The following MTHFD1 variants were observed in gnomAD, a reference collection of about 807,000 sequenced individuals.
MTHFD1 encodes C-1-tetrahydrofolate synthase, cytoplasmic.
MTHFD1 carries 44 observed loss-of-function variants against 110.3 expected under a neutral mutation model. That is an observed-to-expected ratio of 0.40 (90% CI 0.31 to 0.51). The LOEUF (loss-of-function observed/expected upper bound fraction) is 0.51, where lower values mean the gene tolerates loss of function less well. MTHFD1 is among the 20% of genes least tolerant of loss of function. MTHFD1 has a pLI of 0.60. For missense variants in MTHFD1, 909 were observed against 1,173.1 expected, an observed-to-expected ratio of 0.77 and a Z score of 3.29; for synonymous variants, 402 against 428.8, an observed-to-expected ratio of 0.94 and a Z score of 0.77.
intron 4 of MTHFD1, 111 bp downstream of exon 4, chr14:64,412,636 T>TA (rs1377894758): frequency 2.4e-6 from 1 of 425,264 alleles, no homozygotes; most frequent in African/African-American, 2.2e-5. Context: ...CTCCAGGTAT[T>TA]TTTTTTTTTT....
At chr14:64,407,464 CAA>C (rs773866589) in intron 2 of MTHFD1, among the ~76,000 whole-genome samples, 5 of 117,052 alleles carry the variant, frequency 4.3e-5, no homozygotes, top group Non-Finnish European at 5.5e-5. Context: ...GACTTTGTCT[CAA>C]AAAAAAAAAA....
chr14:64,436,867 A>G (rs1436473505), intron 16 of MTHFD1, among the ~76,000 whole-genome samples: 3 of 152,190 alleles, frequency 2.0e-5, no homozygotes, highest in African/African-American at 7.2e-5. Flanking sequence ...CATGTTTTCT[A>G]AGCAACTAGA....
intron 18 of MTHFD1, chr14:64,440,634 G>A (rs1041968065): frequency 3.2e-5 from 10 of 317,210 alleles, no homozygotes; most frequent in Middle Eastern, 1.1e-3. Context: ...AGAGTGACCT[G>A]ATGTTAAAAG....
chr14:64,397,765 G>T (rs2077869331), intron 1 of MTHFD1, among the ~76,000 whole-genome samples: 3 of 152,098 alleles, frequency 2.0e-5, no homozygotes, highest in Admixed American at 2.0e-4. Flanking sequence ...ATTTCATGCT[G>T]CCTCCTTTGC....
intron 21 of MTHFD1, among the ~76,000 whole-genome samples, chr14:64,444,126 G>A (rs367736370): frequency 1.4e-4 from 22 of 152,148 alleles, no homozygotes; most frequent in African/African-American, 4.6e-4. Context: ...GGGGCGGGGC[G>A]GGGAGGCACC....
chr14:64,416,389 T>G (rs900501078), intron 6 of MTHFD1, among the ~76,000 whole-genome samples: 5 of 151,948 alleles, frequency 3.3e-5, no homozygotes, highest in Non-Finnish European at 7.4e-5. Context: ...TAATAAAAAT[T>G]TGGATAGTTT....
intron 23 of MTHFD1, among the ~76,000 whole-genome samples, chr14:64,448,777 C>T (rs1413399691): frequency 4.0e-5 from 6 of 150,744 alleles, no homozygotes; most frequent in Admixed American, 6.6e-5. Flanking sequence ...ATGGCCTCAC[C>T]GTAGTAGAAT....
chr14:64,445,001 G>C (rs1482502709), intron 22 of MTHFD1: 5 of 498,292 alleles, frequency 1.0e-5, no homozygotes, highest in Non-Finnish European at 1.8e-5. Flanking sequence ...TTGACCCCGG[G>C]GACATTTGGC....
intron 1 of MTHFD1, among the ~76,000 whole-genome samples, chr14:64,395,679 G>A (rs2077842519): frequency 6.6e-6 from 1 of 152,152 alleles, no homozygotes. Context: ...CATGCCTGGA[G>A]TCTTTTGGGT....
chr14:64,403,850 T>G (rs1596533754), intron 2 of MTHFD1, among the ~76,000 whole-genome samples: 1 of 152,132 alleles, frequency 6.6e-6, no homozygotes, highest in African/African-American at 2.4e-5. Flanking sequence ...CTCGGCCAAG[T>G]TGAAGTTTAA....
Position 64,440,243 on chromosome 14 carries a change from G to A in MTHFD1, c.1792G>A (p.Glu598Lys), listed in dbSNP as rs765666274. ...GGTGGTGGCATCCAGTAAGAAAGGA[G>A]AGCCCGTCAGTGCCGAAGATCTGGT... ...KMVVASSKKG[E>K]PVSAEDLGVS... The change falls in exon 18 of 28, where the codon GAG (glutamate) becomes AAG (lysine). Residue 598 changes from glutamate to lysine, a missense_variant. Physicochemically the swap from Glu to Lys is moderately conservative, Grantham distance 56. Around this residue, in one of 3 missense-constraint regions of MTHFD1, gnomAD observed 482 missense variants for 646.0 expected, o/e 0.75. Coordinates refer to ENST00000652337, the MANE Select transcript of MTHFD1 (RefSeq NM_005956.4). 9.3e-6 allele frequency: 15 copies of A among 1,614,070 alleles called. No homozygotes were observed. The South Asian group carries it at 1.6e-4, about 18-fold the overall frequency.
intron 1 of MTHFD1, among the ~76,000 whole-genome samples, chr14:64,397,174 TATATATATATATATATA>T (rs1566553167): frequency 9.1e-4 from 19 of 20,786 alleles, no homozygotes; most frequent in African/African-American, 2.2e-3. Flanking sequence ...TATATATATA[TATATATATATATATATA>T]AAAAACAGTA....
At chr14:64,399,315 T>A (rs2077879288) in intron 1 of MTHFD1, among the ~76,000 whole-genome samples, 1 of 152,194 alleles carries the variant, frequency 6.6e-6, no homozygotes, top group South Asian at 2.1e-4. Context: ...AACTAATACA[T>A]TTTCAATTAT....
intron 2 of MTHFD1, among the ~76,000 whole-genome samples, chr14:64,402,678 C>T (rs1262293728): frequency 6.6e-6 from 1 of 151,702 alleles, no homozygotes. Flanking sequence ...CAGGAGTGGT[C>T]GTATAGAGGT....
intron 16 of MTHFD1, among the ~76,000 whole-genome samples, chr14:64,436,125 C>T (rs144094397): frequency 3.3e-5 from 5 of 151,566 alleles, no homozygotes; most frequent in Admixed American, 2.0e-4. Flanking sequence ...GATGGAGTCT[C>T]GCTCTGTCGC....
At chr14:64,415,839 T>C (rs1252277107) in intron 6 of MTHFD1, 100 bp downstream of exon 6, 2 of 1,159,204 alleles carry the variant, frequency 1.7e-6, no homozygotes, top group Non-Finnish European at 2.5e-6. Context: ...CATAAATAAA[T>C]GGACTTGATT....
At position 64,413,639 on chromosome 14, in the gene MTHFD1, T is replaced by A. The variant is rs547316084; in HGVS notation, c.240+1114T>A. Reference sequence around the variant, plus strand: ...AAATGAAATAAAATTAAAAATTCACTTCCTTGGTTGTACTAGCCACTTTGC... The same window carrying A: ...AAATGAAATAAAATTAAAAATTCACATCCTTGGTTGTACTAGCCACTTTGC... On this transcript the variant is annotated intron_variant, in intron 4 of 27. Transcript: ENST00000652337. Among the ~76,000 whole-genome samples, 44 of 152,342 alleles carry A rather than the reference T, an allele frequency of 2.9e-4. 2 individuals are homozygous for A. In the South Asian group the frequency reaches 7.9e-3, roughly 27 times the overall value.
In MTHFD1 at chr14:64,431,837, T is replaced by G. The variant is rs1259776104; in HGVS notation, c.1470T>G (p.Ser490=). ...VPSVNGVRRF[S]DIQIRRLKRL... Reference sequence around the variant, plus strand: ...CAGTAAATGGAGTGAGAAGGTTCTCTGACATCCAAATCCGAAGGTTAAAGG... The same window carrying G: ...CAGTAAATGGAGTGAGAAGGTTCTCGGACATCCAAATCCGAAGGTTAAAGG... The change falls in exon 15 of 28, where the codon TCT becomes TCG. Residue 490 remains serine, a synonymous_variant. Coordinates refer to ENST00000652337, the MANE Select transcript of MTHFD1 (RefSeq NM_005956.4). The G allele has an allele frequency of 6.2e-7, 1 of 1,614,214 alleles. No individual in the cohort carries two copies. Among genetic ancestry groups the G allele is most frequent in the Non-Finnish European group, 8.5e-7 (1 of 1,180,016 alleles).
rs781218519 is a variant in MTHFD1, at chr14:64,454,849, G to C, written c.2692G>C (p.Gly898Arg). The change falls in exon 26 of 28, where the codon GGT (glycine) becomes CGT (arginine). Residue 898 changes from glycine (G) to arginine (R), a missense_variant. Gly to Arg is a moderately radical substitution (Grantham distance 125). Coordinates refer to ENST00000652337, the MANE Select transcript of MTHFD1 (RefSeq NM_005956.4). ...IRDIRASVGA[G>R]FLYPLVGTMS... ...CGACATCCGCGCCAGCGTTGGGGCT[G>C]GTTTTCTGTACCCCTTAGTAGGAAC... 3.1e-6 allele frequency: 5 copies of C among 1,614,074 alleles called. No homozygotes were observed.
Sources: allele counts gnomAD v4.1 joint callset (sites outside exome capture counted in the v4.1 genomes callset), GRCh38; gene constraint gnomAD v4.1.1; regional missense constraint gnomAD v4.1.1; transcripts MANE v1.5; gene names NCBI Gene and HGNC (gene_info 2026-07-23, HGNC 2026-07-21).